CRY1: variants seen among roughly 807,000 people sequenced by gnomAD.
CRY1 encodes the protein cryptochrome-1.
Under a neutral mutation model 76.0 loss-of-function variants are expected in CRY1, and 45 were observed. The observed-to-expected ratio is 0.59, with a 90% CI of 0.47 to 0.76. The LOEUF is 0.76. Among genes scored for constraint, CRY1 ranks in the 30% least tolerant of loss-of-function variants. The probability of loss-of-function intolerance (pLI) is 0.00; values close to 1 mark genes in which losing one functional copy is unlikely to be tolerated. For missense variants in CRY1, 587 were observed against 716.4 expected (o/e 0.82, Z 2.06); for synonymous variants, 248 against 244.0 (o/e 1.02, Z -0.15).
intron 1 of CRY1, among the ~76,000 whole-genome samples, chr12:107,058,133 A>C (rs1024879154): frequency 1.3e-5 from 2 of 152,240 alleles, no homozygotes; most frequent in Non-Finnish European, 1.5e-5. Context: ...AAAGATGAGA[A>C]TATAACTCCT....
At chr12:107,049,685 T>C (rs1297205159) in intron 1 of CRY1, 3 of 152,180 alleles carry the variant, frequency 2.0e-5, no homozygotes, top group Non-Finnish European at 4.4e-5. Context: ...GACAAATTCT[T>C]ATTATCTGTG....
At chr12:107,088,642 T>G (rs1174003138) in intron 1 of CRY1, among the ~76,000 whole-genome samples, 1 of 152,246 alleles carries the variant, frequency 6.6e-6, no homozygotes, top group Non-Finnish European at 1.5e-5. Flanking sequence ...AAATTCCTGT[T>G]GTTTATAAAC....
intron 1 of CRY1, among the ~76,000 whole-genome samples, chr12:107,086,377 G>C (rs970756544): frequency 6.6e-6 from 1 of 152,122 alleles, no homozygotes; most frequent in Non-Finnish European, 1.5e-5. Context: ...GACAGAACAG[G>C]TTGTTAAAGC....
chr12:107,007,539 T>G (rs555629382), intron 2 of CRY1, among the ~76,000 whole-genome samples: 6 of 151,960 alleles, frequency 3.9e-5, no homozygotes, highest in Non-Finnish European at 7.4e-5. Flanking sequence ...TCTTTTTTTT[T>G]TTTTTTAAGA....
chr12:107,053,004 G>A (rs528553825), intron 1 of CRY1, among the ~76,000 whole-genome samples: 6 of 152,248 alleles, frequency 3.9e-5, no homozygotes, highest in African/African-American at 1.4e-4. Flanking sequence ...GAAATTATTC[G>A]GTAGTTAATG....
At chr12:107,062,487 T>C (rs992802767) in intron 1 of CRY1, among the ~76,000 whole-genome samples, 1 of 152,148 alleles carries the variant, frequency 6.6e-6, no homozygotes, top group Non-Finnish European at 1.5e-5. Flanking sequence ...TCCTTGATGC[T>C]CAAAGCTAGT....
At chr12:107,010,387 T>G (rs966783623) in intron 2 of CRY1, among the ~76,000 whole-genome samples, 2 of 152,270 alleles carry the variant, frequency 1.3e-5, no homozygotes, top group South Asian at 4.1e-4. Context: ...CATGAAAAAT[T>G]TACAAGGGCA....
At chr12:107,088,994 T>A (rs1018429293) in intron 1 of CRY1, among the ~76,000 whole-genome samples, 1 of 152,260 alleles carries the variant, frequency 6.6e-6, no homozygotes, top group Non-Finnish European at 1.5e-5. Flanking sequence ...CAGAATCATA[T>A]AACACATGGA....
chr12:107,031,416 T>C (rs940239559), intron 1 of CRY1, among the ~76,000 whole-genome samples: 7 of 151,246 alleles, frequency 4.6e-5, no homozygotes, highest in African/African-American at 1.7e-4. Context: ...CTCTGAAAGA[T>C]ACAAATCTTA....
At chr12:106,993,755 G>A (rs367737459) in intron 10 of CRY1, among the ~76,000 whole-genome samples, 12 of 152,080 alleles carry the variant, frequency 7.9e-5, no homozygotes, top group African/African-American at 2.9e-4. Context: ...CTCACCCTAA[G>A]TGAGTATGAA....
At chr12:107,085,631 A>T (rs1361179540) in intron 1 of CRY1, among the ~76,000 whole-genome samples, 1 of 152,116 alleles carries the variant, frequency 6.6e-6, no homozygotes, top group Non-Finnish European at 1.5e-5. Context: ...GGACACGGGG[A>T]GGGGAACAGC....
In CRY1 at chr12:107,070,589, T is replaced by C. The variant is rs147546332; in HGVS notation, c.158+22215A>G. Among the ~76,000 whole-genome samples, 228 of 152,220 alleles carry C rather than the reference T, an allele frequency of 1.5e-3. 1 individual carries two copies. Among genetic ancestry groups the C allele is most frequent in the African/African-American group, 4.5e-3 (189 of 41,552 alleles). On this transcript the variant is annotated intron_variant, in intron 1 of 12. Transcript: ENST00000008527. ...GAAGAGACCTTACATAAACCTGTAA[T>C]GATAATGTCTTAAACTAATTCTCTG...
chr12:107,009,680 G>T (rs1290610301), intron 2 of CRY1, among the ~76,000 whole-genome samples: 1 of 149,176 alleles, frequency 6.7e-6, no homozygotes, highest in African/African-American at 2.5e-5. Context: ...AAGTCAACAT[G>T]GGAGGATGGC....
intron 1 of CRY1, chr12:107,043,055 T>C (rs1014659901): frequency 5.3e-5 from 8 of 152,168 alleles, no homozygotes; most frequent in African/African-American, 1.9e-4. Flanking sequence ...ATTGGAACTA[T>C]GGCTGGAGGG....
At chr12:107,030,119 A>G (rs1013801076) in intron 1 of CRY1, among the ~76,000 whole-genome samples, 3 of 152,212 alleles carry the variant, frequency 2.0e-5, no homozygotes, top group Admixed American at 6.5e-5. Context: ...AGTTCAATAA[A>G]TATCTATCTA....
intron 1 of CRY1, among the ~76,000 whole-genome samples, chr12:107,024,596 C>T (rs1278324361): frequency 6.6e-6 from 1 of 152,066 alleles, no homozygotes; most frequent in Non-Finnish European, 1.5e-5. Flanking sequence ...AGGCTGGTCT[C>T]GAACTCCTGG....
intron 1 of CRY1, among the ~76,000 whole-genome samples, chr12:107,054,137 A>G (rs1379954063): frequency 1.3e-5 from 2 of 152,202 alleles, no homozygotes; most frequent in Non-Finnish European, 2.9e-5. Context: ...TACTGGCCTT[A>G]TAAAACAAGA....
In CRY1 at chr12:107,048,787, A is replaced by G. The variant is rs191714347; in HGVS notation, c.159-26595T>C. Reference sequence around the variant, plus strand: ...TTTGAGTATTTAAAGCTCTCTGTCAAAATTCCCTATTGTATTCAATTTTTG... The same window carrying G: ...TTTGAGTATTTAAAGCTCTCTGTCAGAATTCCCTATTGTATTCAATTTTTG... On this transcript the variant is annotated intron_variant, in intron 1 of 12. Transcript: ENST00000008527. Among the ~76,000 whole-genome samples the G allele has an allele frequency of 4.5e-4, 69 of 152,336 alleles. No individual in the cohort carries two copies. The East Asian group carries it at 0.011, about 23-fold the overall frequency.
Position 107,001,332 on chromosome 12 carries a change from G to A in CRY1, c.632C>T (p.Pro211Leu). 1.9e-6 allele frequency: 3 copies of A among 1,613,516 alleles called. No homozygotes were observed. Among genetic ancestry groups the A allele is most frequent in the South Asian group, 1.1e-5 (1 of 90,984 alleles). Residue 211 changes from proline (P) to leucine (L), a missense_variant, in exon 5 of 13, where the codon CCA becomes CTA. Coordinates refer to ENST00000008527, the MANE Select transcript of CRY1 (RefSeq NM_004075.5). ...AGTAAGTGCTTCAGTTTCTCCACCTGGCCACACTGCAGAGGATAAGCCATC... is the reference window on the plus strand; with the variant it reads ...AGTAAGTGCTTCAGTTTCTCCACCTAGCCACACTGCAGAGGATAAGCCATC... The part of the protein sequence containing the change: ...DTDGLSSAVW[P>L]GGETEALTRL...
Sources: allele counts gnomAD v4.1 joint callset (sites outside exome capture counted in the v4.1 genomes callset), GRCh38; gene constraint gnomAD v4.1.1; transcripts MANE v1.5; gene names NCBI Gene and HGNC (gene_info 2026-07-23, HGNC 2026-07-21).